The following EIF2AK3 variants were observed in gnomAD, a reference collection of about 807,000 sequenced individuals.
EIF2AK3 encodes the protein eukaryotic translation initiation factor 2 alpha kinase 3.
A neutral mutation model predicts 113.5 loss-of-function variants in EIF2AK3; 50 were observed. That is an observed-to-expected ratio of 0.44 (90% CI 0.35 to 0.56). The LOEUF (loss-of-function observed/expected upper bound fraction) is 0.56, where lower values mean the gene tolerates loss of function less well. Ranked by LOEUF, EIF2AK3 falls within the 20% of genes least tolerant of loss-of-function variation. The pLI, the probability that EIF2AK3 is intolerant of heterozygous loss-of-function variation, is 0.00. For missense variants in EIF2AK3, 1,185 were observed against 1,378.0 expected, an observed-to-expected ratio of 0.86 and a Z score of 2.22; for synonymous variants, 448 against 495.4, an observed-to-expected ratio of 0.90 and a Z score of 1.27.
intron 2 of EIF2AK3, among the ~76,000 whole-genome samples, chr2:88,607,768 A>T (rs1250273072): frequency 1.3e-5 from 2 of 152,174 alleles, no homozygotes; most frequent in Non-Finnish European, 2.9e-5. Context: ...ATTCCTAGTG[A>T]ATTTGTTCTT....
chr2:88,627,011 C>G lies in EIF2AK3; in HGVS notation c.264G>C (p.Arg88=). The change falls in exon 1 of 17, where the codon CGG becomes CGC. Residue 88 remains arginine, a synonymous_variant. Coordinates refer to ENST00000303236, the MANE Select transcript of EIF2AK3 (RefSeq NM_004836.7). ...CTGTCTCATCGTCTGGTTCCGGACCCCGAGGCTCCTGCTCTCCCGCGGCTG... is the reference window on the plus strand; with the variant it reads ...CTGTCTCATCGTCTGGTTCCGGACCGCGAGGCTCCTGCTCTCCCGCGGCTG... ...LPAAAGEQEP[R]GPEPDDETEL... The G allele has an allele frequency of 6.2e-7, 1 of 1,608,190 alleles. No individual in the cohort carries two copies. Among genetic ancestry groups the G allele is most frequent in the Non-Finnish European group, 8.5e-7 (1 of 1,178,944 alleles).
intron 14 of EIF2AK3, among the ~76,000 whole-genome samples, chr2:88,567,644 A>G (rs1022855273): frequency 6.6e-6 from 1 of 152,200 alleles, no homozygotes; most frequent in Non-Finnish European, 1.5e-5. Context: ...ATTGGGTTTG[A>G]TGTCTATTGC....
chr2:88,590,347 A>C (rs1674850717), intron 6 of EIF2AK3, 96 bp downstream of exon 6: 1 of 1,268,192 alleles, frequency 7.9e-7, no homozygotes, highest in Non-Finnish European at 1.1e-6. Flanking sequence ...TAGGATTTAA[A>C]ACTACTACAG....
At chr2:88,581,442 C>T (rs1674598783) in intron 10 of EIF2AK3, among the ~76,000 whole-genome samples, 1 of 152,154 alleles carries the variant, frequency 6.6e-6, no homozygotes, top group Non-Finnish European at 1.5e-5. Context: ...TTTATGATGT[C>T]CTCCTAGATC....
At chr2:88,614,599 A>G (rs1431951845) in intron 1 of EIF2AK3, among the ~76,000 whole-genome samples, 1 of 151,524 alleles carries the variant, frequency 6.6e-6, no homozygotes, top group Admixed American at 6.6e-5. Flanking sequence ...CTAACCACCA[A>G]CCCCTCTCTT....
intron 3 of EIF2AK3, among the ~76,000 whole-genome samples, chr2:88,594,856 T>C (rs1573408853): frequency 6.9e-6 from 1 of 144,230 alleles, no homozygotes; most frequent in African/African-American, 2.5e-5. Flanking sequence ...AAAACGAAAG[T>C]TACACTTAGG....
Position 88,590,430 on chromosome 2 carries a change from T to C in EIF2AK3, c.1165+13A>G, listed in dbSNP as rs1395363248. The C allele has an allele frequency of 5.0e-6, 8 of 1,613,322 alleles. No homozygotes were observed. The highest frequency in any genetic ancestry group is 6.8e-6 in the Non-Finnish European group (8 of 1,179,616). On this transcript the variant is annotated intron_variant, in intron 6 of 16. Transcript: ENST00000303236. ...CAATGTGTACTATCGTTAGATAAGA[T>C]ACATTTACTCACCCAAGTAAACACT...
rs565011135 is a variant in EIF2AK3, at chr2:88,562,758, C to A, written c.2986-368G>T. 2.0e-5 allele frequency among the ~76,000 whole-genome samples: 3 copies of A among 152,348 alleles called. No homozygotes were observed. The South Asian group carries it at 6.2e-4, about 32-fold the overall frequency. ...GGAACGCTATCTAAAGCAAATCTTT[C>A]ATTTCTAATCATCTTAGTCCTAACC... On this transcript the variant is annotated intron_variant, in intron 14 of 16. Transcript: ENST00000303236.
chr2:88,611,772 A>C (rs190161430), intron 2 of EIF2AK3, among the ~76,000 whole-genome samples: 2 of 152,254 alleles, frequency 1.3e-5, no homozygotes, highest in African/African-American at 2.4e-5. Context: ...CTAGGATTAC[A>C]GGGGCCTGCC....
chr2:88,575,359 A>G lies in EIF2AK3; in HGVS notation c.2124T>C (p.His708=), dbSNP rs1217179624. ...GTGGTGAAGGAGCTATGATTTCAAT[A>G]TGTTCTTTTGTAGCGAAAGGATCCA... The part of the protein sequence containing the change: ...RRMDPFATKE[H]IEIIAPSPQR... Residue 708 remains histidine (H), a synonymous_variant, in exon 13 of 17, where the codon CAT becomes CAC. Coordinates refer to ENST00000303236, the MANE Select transcript of EIF2AK3 (RefSeq NM_004836.7). The G allele has an allele frequency of 6.2e-7, 1 of 1,614,158 alleles. No homozygotes were observed. The highest frequency in any genetic ancestry group is 1.7e-5 in the Admixed American group (1 of 60,026).
intron 2 of EIF2AK3, among the ~76,000 whole-genome samples, chr2:88,608,700 C>CTTTTTT (rs1176748814): frequency 1.6e-5 from 1 of 62,002 alleles, no homozygotes; most frequent in Non-Finnish European, 2.7e-5. Flanking sequence ...TTTTTGATTT[C>CTTTTTT]TTTTTTTTTT....
At chr2:88,615,078 C>T (rs1675537899) in intron 1 of EIF2AK3, among the ~76,000 whole-genome samples, 1 of 152,200 alleles carries the variant, frequency 6.6e-6, no homozygotes, top group Non-Finnish European at 1.5e-5. Flanking sequence ...GGTGACTGTG[C>T]TTCCTATTTC....
At chr2:88,597,968 G>C (rs1675058266) in intron 2 of EIF2AK3, among the ~76,000 whole-genome samples, 1 of 152,074 alleles carries the variant, frequency 6.6e-6, no homozygotes, top group Admixed American at 6.6e-5. Context: ...AAGGAACCAG[G>C]GCTCCTCAGA....
At chr2:88,566,248 C>T (rs1252321387) in intron 14 of EIF2AK3, among the ~76,000 whole-genome samples, 2 of 152,166 alleles carry the variant, frequency 1.3e-5, no homozygotes, top group Non-Finnish European at 2.9e-5. Context: ...AAATTTATCT[C>T]CAAATGGAAC....
rs764758184 is a variant in EIF2AK3, at chr2:88,595,768, T to G, written c.439-105A>C. The G allele has an allele frequency of 3.5e-6, 4 of 1,131,202 alleles. No homozygotes were observed. The Middle Eastern group carries it at 7.7e-4, about 219-fold the overall frequency. 70.1% of individuals were successfully genotyped at this position (1,131,202 alleles called of 1,614,324 possible). On this transcript the variant is annotated intron_variant, in intron 2 of 16. Coordinates refer to ENST00000303236, the MANE Select transcript of EIF2AK3 (RefSeq NM_004836.7). The stretch of plus-strand genomic sequence containing the variant: ...CATCATACCTTTAAAAGAATAATAG[T>G]AATTAAGAGCTGGAGTCTTGATCCT...
At chr2:88,624,123 C>T (rs1675800818) in intron 1 of EIF2AK3, among the ~76,000 whole-genome samples, 1 of 152,126 alleles carries the variant, frequency 6.6e-6, no homozygotes, top group Non-Finnish European at 1.5e-5. Flanking sequence ...TCCCGAGTAG[C>T]TCGGATTACA....
intron 3 of EIF2AK3, among the ~76,000 whole-genome samples, 153 bp from the exon 4 acceptor site, chr2:88,593,558 C>G (rs1674937424): frequency 6.6e-6 from 1 of 152,148 alleles, no homozygotes. Flanking sequence ...AGTTAGATTA[C>G]CAACTCCTAA....
Position 88,627,187 on chromosome 2 carries a change from CG to C in EIF2AK3, c.87del (p.Ala30ArgfsTer41). The C allele has an allele frequency of 6.9e-7, 1 of 1,447,588 alleles. No individual in the cohort carries two copies. Among genetic ancestry groups the C allele is most frequent in the South Asian group, 1.3e-5 (1 of 74,638 alleles). The allele number at this position is 1,447,588 out of a possible 1,614,324, so 89.7% of individuals were successfully genotyped here. ...GCTGGGAGGCCACGGGCGCGCCCCG[CG>C]GCCACCGTCCTTGCCGCGAGCCCCA... ...LLLGLAARTV[A>X]AGRARGLPAP... On this transcript the variant is annotated frameshift_variant, in exon 1 of 17. Transcript: ENST00000303236. LOFTEE classifies it high-confidence loss of function.
chr2:88,603,105 C>G (rs1675194035), intron 2 of EIF2AK3, among the ~76,000 whole-genome samples: 1 of 152,154 alleles, frequency 6.6e-6, no homozygotes, highest in African/African-American at 2.4e-5. Context: ...CAACAGCACA[C>G]ATCCAAAACA....
Sources: gnomAD v4.1 joint callset for allele counts (sites outside exome capture counted in the v4.1 genomes callset) on GRCh38, gnomAD v4.1.1 for gene constraint, MANE v1.5 for transcripts, NCBI Gene and HGNC (gene_info 2026-07-23, HGNC 2026-07-21) for gene names.